Variants in CAPN14 observed in about 807,000 individuals in gnomAD.
CAPN14 encodes the protein calpain 14.
In CAPN14, 94 loss-of-function variants were observed where a neutral mutation model predicts 101.3. That is an observed-to-expected ratio of 0.93 (90% CI 0.79 to 1.10). The LOEUF is 1.10. CAPN14 is among the 50% of genes least tolerant of loss of function. The probability of loss-of-function intolerance (pLI) is 0.00; values close to 1 mark genes in which losing one functional copy is unlikely to be tolerated. For missense variants in CAPN14, 837 were observed against 828.4 expected, an observed-to-expected ratio of 1.01 and a Z score of -0.13; for synonymous variants, 338 against 317.9, an observed-to-expected ratio of 1.06 and a Z score of -0.67.
intron 9 of CAPN14, 122 bp from the exon 10 acceptor site, chr2:31,193,416 G>A: frequency 2.0e-6 from 2 of 985,570 alleles, no homozygotes; most frequent in Non-Finnish European, 3.0e-6. Flanking sequence ...AAAGACACCA[G>A]CTCTTGTGCA....
intron 21 of CAPN14, among the ~76,000 whole-genome samples, chr2:31,175,604 G>A (rs1158537750): frequency 6.6e-6 from 1 of 152,224 alleles, no homozygotes; most frequent in Non-Finnish European, 1.5e-5. Flanking sequence ...CAAGTGTGGG[G>A]CTAAGCAGTC....
At chr2:31,181,351 G>A (rs1201631520) in intron 16 of CAPN14, among the ~76,000 whole-genome samples, 1 of 150,596 alleles carries the variant, frequency 6.6e-6, no homozygotes, top group African/African-American at 2.4e-5. Context: ...ACCAAACTGG[G>A]GGATTCTTTC....
chr2:31,228,052 C>T (rs1021816815), intron 1 of CAPN14, among the ~76,000 whole-genome samples: 1 of 152,126 alleles, frequency 6.6e-6, no homozygotes, highest in Non-Finnish European at 1.5e-5. Context: ...CAAAGGAGCC[C>T]GCGTGGTGAG....
chr2:31,181,398 T>TTTTCTTTCTTTTTTTC (rs1680596612), intron 16 of CAPN14, among the ~76,000 whole-genome samples: 1 of 134,980 alleles, frequency 7.4e-6, no homozygotes, highest in South Asian at 2.5e-4. Flanking sequence ...TTCTTTCTTT[T>TTTTCTTTCTTTTTTTC]TTTCTTTCTT....
At chr2:31,175,688 T>A (rs1319878616) in intron 21 of CAPN14, among the ~76,000 whole-genome samples, 1 of 152,126 alleles carries the variant, frequency 6.6e-6, no homozygotes, top group Non-Finnish European at 1.5e-5. Context: ...CTTGGAGGGA[T>A]TGAGGGGTGA....
chr2:31,229,558 C>A (rs1379132126), intron 1 of CAPN14, among the ~76,000 whole-genome samples: 3 of 151,740 alleles, frequency 2.0e-5, no homozygotes, highest in Admixed American at 6.6e-5. Context: ...TGCCTGTAGT[C>A]CCAGCTACTT....
chr2:31,205,609 GAGAA>G, intron 1 of CAPN14, 110 bp from the exon 2 acceptor site: 1 of 660,534 alleles, frequency 1.5e-6, no homozygotes, highest in Non-Finnish European at 2.7e-6. Flanking sequence ...GTCAGCTGGT[GAGAA>G]AGAGACAGAA....
chr2:31,215,228 AT>A (rs1200914566), intron 1 of CAPN14, among the ~76,000 whole-genome samples: 1 of 151,120 alleles, frequency 6.6e-6, no homozygotes, highest in East Asian at 2.0e-4. Context: ...TTGACAACAC[AT>A]TTGGACAGGA....
chr2:31,209,055 G>A (rs35891005), intron 1 of CAPN14, among the ~76,000 whole-genome samples: 1,824 of 151,982 alleles, frequency 0.012, 14 homozygotes, highest in Non-Finnish European at 0.019. Flanking sequence ...CTACAGCCTT[G>A]AACTCCTGGG....
chr2:31,210,161 G>A (rs1682315335), intron 1 of CAPN14, among the ~76,000 whole-genome samples: 1 of 152,144 alleles, frequency 6.6e-6, no homozygotes, highest in Non-Finnish European at 1.5e-5. Context: ...AGTTCAGTCA[G>A]GGCCAGGAGC....
Position 31,189,518 on chromosome 2 carries a change from AC to A in CAPN14, c.1288-41del, listed in dbSNP as rs758374043. 5.3e-6 allele frequency: 8 copies of A among 1,509,578 alleles called. No homozygotes were observed. In the South Asian group the frequency reaches 9.6e-5, roughly 18 times the overall value. 93.5% of individuals were successfully genotyped at this position (1,509,578 alleles called of 1,614,324 possible). A position where few individuals can be genotyped will look rare whatever the true frequency, so the allele number is the denominator to read the frequency against. ...CAGAAGAACAGCAAGGGAGGTGATG[AC>A]CCAGGGCTGTGGCCAGGCCTGAGGC... On this transcript the variant is annotated intron_variant, in intron 12 of 21. Coordinates refer to ENST00000403897, the MANE Select transcript of CAPN14 (RefSeq NM_001145122.2).
intron 16 of CAPN14, among the ~76,000 whole-genome samples, chr2:31,185,094 T>C (rs1680838156): frequency 1.3e-5 from 2 of 152,240 alleles, no homozygotes; most frequent in Non-Finnish European, 2.9e-5. Context: ...CTATCTATTA[T>C]ATTAATGATT....
chr2:31,221,365 T>C (rs1572446506), upstream of CAPN14, among the ~76,000 whole-genome samples: 1 of 152,278 alleles, frequency 6.6e-6, no homozygotes, highest in African/African-American at 2.4e-5. Context: ...GTACAGTGCA[T>C]GTTTCTTATT....
rs1400905723 is a variant in CAPN14 at position 31,205,265 on chromosome 2, C to G, written c.183G>C (p.Leu61=). The change falls in exon 2 of 22, where the codon CTG becomes CTC. Residue 61 remains leucine, a synonymous_variant. Transcript: ENST00000403897. ...GCAGGCGGGGTGGCAGCTTCTGCAG[C>G]AGGGAGCCACTGCCGATGGAGCTCA... ...ATLSSIGSGS[L]LQKLPPRLQW... is the part of the protein sequence containing the mutation. 1.9e-6 allele frequency: 3 copies of G among 1,549,838 alleles called. No homozygotes were observed. In the African/African-American group the frequency reaches 4.1e-5, roughly 21 times the overall value.
At chr2:31,189,252 G>C in intron 13 of CAPN14, 21 bp downstream of exon 13, 2 of 1,548,944 alleles carry the variant, frequency 1.3e-6, no homozygotes, top group Non-Finnish European at 1.7e-6. Context: ...CCACCCTCTA[G>C]GAGAGACCTT....
In CAPN14 at chr2:31,205,161, G is replaced by A. The variant is rs774576339; in HGVS notation, c.225+62C>T. ...TTTTTTTCTCCCATATATCTTAGGC[G>A]CAGTATCTGAAAGCCCTAAACCCTG... On this transcript the variant is annotated intron_variant, in intron 2 of 21. Coordinates refer to ENST00000403897, the MANE Select transcript of CAPN14 (RefSeq NM_001145122.2). 3.3e-5 allele frequency: 46 copies of A among 1,386,428 alleles called. No individual in the cohort carries two copies. In the African/African-American group the frequency reaches 3.5e-4, roughly 10 times the overall value. The allele number at this position is 1,386,428 out of a possible 1,614,324, so 85.9% of individuals were successfully genotyped here.
intron 15 of CAPN14, among the ~76,000 whole-genome samples, chr2:31,187,185 T>C (rs750390817): frequency 3.9e-5 from 6 of 152,174 alleles, no homozygotes; most frequent in Non-Finnish European, 8.8e-5. Flanking sequence ...CTAAGTGTCT[T>C]GCAGGTTAGG....
intron 17 of CAPN14, among the ~76,000 whole-genome samples, chr2:31,178,852 A>G (rs1680444221): frequency 6.6e-6 from 1 of 152,096 alleles, no homozygotes; most frequent in Non-Finnish European, 1.5e-5. Context: ...CACAGCTAGC[A>G]TTAAGGGAGG....
chr2:31,181,174 T>C (rs931632982), intron 16 of CAPN14, among the ~76,000 whole-genome samples, 174 bp from the exon 17 acceptor site: 3 of 152,122 alleles, frequency 2.0e-5, no homozygotes, highest in Admixed American at 1.3e-4. Flanking sequence ...CGGTCGTTCC[T>C]ACCCATGGAG....
Sources: allele counts gnomAD v4.1 joint callset (sites outside exome capture counted in the v4.1 genomes callset), GRCh38; gene constraint gnomAD v4.1.1; transcripts MANE v1.5; gene names NCBI Gene and HGNC (gene_info 2026-07-23, HGNC 2026-07-21).